C10orf143: variants seen among roughly 807,000 people sequenced by gnomAD.
C10orf143 encodes the protein uncharacterized protein C10orf143.
intron 3 of C10orf143, among the ~76,000 whole-genome samples, chr10:130,046,307 C>T (rs1041995652): frequency 5.3e-5 from 8 of 152,026 alleles, no homozygotes; most frequent in Non-Finnish European, 1.0e-4. Flanking sequence ...CTCGGGCTCC[C>T]TGCAGGTGGG....
intron 1 of C10orf143, chr10:130,107,694 CA>C (rs752685132): frequency 2.3e-5 from 29 of 1,275,668 alleles, no homozygotes; most frequent in Middle Eastern, 1.9e-4. Context: ...CCTTTGCCTC[CA>C]GGGGGGGAAG....
At chr10:130,053,553 G>A (rs977671370) in intron 3 of C10orf143, among the ~76,000 whole-genome samples, 1 of 152,208 alleles carries the variant, frequency 6.6e-6, no homozygotes, top group Non-Finnish European at 1.5e-5. Context: ...CCCCAGGCAT[G>A]TGAGACCCCC....
At chr10:130,085,936 T>C (rs765586429) in intron 1 of C10orf143, among the ~76,000 whole-genome samples, 1 of 152,214 alleles carries the variant, frequency 6.6e-6, no homozygotes, top group Admixed American at 6.5e-5. Context: ...AACATTCAGA[T>C]ATTTGATGAT....
rs572397991 is a variant in C10orf143, at chr10:130,053,359, C to T, written c.298-17389G>A. 1.7e-4 allele frequency among the ~76,000 whole-genome samples: 26 copies of T among 152,326 alleles called. 2 individuals carry two copies. In the East Asian group the frequency reaches 3.3e-3, roughly 19 times the overall value. On this transcript the variant is annotated intron_variant and NMD_transcript_variant, in intron 3 of 5. Transcript: ENST00000643056. Reference sequence around the variant, plus strand: ...GTGCTGGGATTACAGGCGTGAGCCACCACGCCCGGCCAAAGTTGCTAAGTT... The same window carrying T: ...GTGCTGGGATTACAGGCGTGAGCCATCACGCCCGGCCAAAGTTGCTAAGTT...
chr10:130,099,576 G>A (rs917189779), intron 1 of C10orf143, among the ~76,000 whole-genome samples: 13 of 150,910 alleles, frequency 8.6e-5, no homozygotes, highest in South Asian at 2.1e-4. Context: ...TCACTCTGTC[G>A]CCCAGGCTAG....
downstream of C10orf143, among the ~76,000 whole-genome samples, chr10:130,060,545 C>T (rs556314657): frequency 4.7e-4 from 72 of 152,206 alleles, no homozygotes; most frequent in Admixed American, 1.6e-3. Flanking sequence ...TATGTGCAGC[C>T]GGGCGCAGTG....
At chr10:130,043,017 C>G (rs1298015556) in intron 3 of C10orf143, among the ~76,000 whole-genome samples, 1 of 152,188 alleles carries the variant, frequency 6.6e-6, no homozygotes, top group Non-Finnish European at 1.5e-5. Context: ...CGGAAGCAAG[C>G]CTGCAAAACG....
At chr10:130,076,571 A>G (rs1416856678) in intron 3 of C10orf143, among the ~76,000 whole-genome samples, 2 of 152,216 alleles carry the variant, frequency 1.3e-5, no homozygotes, top group African/African-American at 4.8e-5. Context: ...CACGGTGCTG[A>G]GGAAATATCA....
chr10:130,107,352 T>C, intron 1 of C10orf143: 3 of 1,077,750 alleles, frequency 2.8e-6, no homozygotes, highest in Non-Finnish European at 4.3e-6. Flanking sequence ...GCCAAAGATC[T>C]TGAAGAAGAA....
At chr10:130,059,751 T>C (rs1441751145), downstream of C10orf143, among the ~76,000 whole-genome samples, 1 of 152,134 alleles carries the variant, frequency 6.6e-6, no homozygotes, top group Admixed American at 6.6e-5. Flanking sequence ...AGAAGATCCT[T>C]GCATAGAGAG....
intron 3 of C10orf143, chr10:130,068,033 C>G (rs1352182827): frequency 6.6e-6 from 1 of 152,498 alleles, no homozygotes; most frequent in Non-Finnish European, 1.5e-5. Context: ...ATGACACATG[C>G]TGCTGAGTGA....
intron 1 of C10orf143, among the ~76,000 whole-genome samples, chr10:130,109,819 C>A (rs1861728806): frequency 6.6e-6 from 1 of 152,006 alleles, no homozygotes; most frequent in South Asian, 2.1e-4. Flanking sequence ...GAAGACGGAT[C>A]CTGCACTTAC....
chr10:130,046,261 C>T (rs529532919), intron 3 of C10orf143, among the ~76,000 whole-genome samples: 65 of 151,966 alleles, frequency 4.3e-4, no homozygotes, highest in Middle Eastern at 3.4e-3. Context: ...AGGGACGGGA[C>T]GCGGGGGCAC....
intron 1 of C10orf143, among the ~76,000 whole-genome samples, chr10:130,105,308 T>C (rs927990348): frequency 6.6e-6 from 1 of 152,228 alleles, no homozygotes; most frequent in Non-Finnish European, 1.5e-5. Flanking sequence ...TGGAGCCAGA[T>C]GGCTTGGATT....
chr10:130,058,541 T>G (rs893839497), intron 3 of C10orf143, among the ~76,000 whole-genome samples: 4 of 151,038 alleles, frequency 2.6e-5, no homozygotes, highest in African/African-American at 9.7e-5. Context: ...AAATTTCCCT[T>G]TGCATCTGGG....
At chr10:130,071,704 C>A (rs570923722) in intron 3 of C10orf143, among the ~76,000 whole-genome samples, 2 of 152,184 alleles carry the variant, frequency 1.3e-5, no homozygotes, top group African/African-American at 4.8e-5. Flanking sequence ...CTCGGCTCAC[C>A]GCAACCTCTG....
Position 130,105,159 on chromosome 10 carries a change from C to A in C10orf143, c.69+5545G>T, listed in dbSNP as rs147156716. On this transcript the variant is annotated intron_variant, in intron 1 of 3. Coordinates refer to ENST00000637128, the MANE Select transcript of C10orf143 (RefSeq NM_001355042.2). Reference sequence around the variant, plus strand: ...GCCGGGCTGATCTGGAACTCCTGACCTCAAGTGATCAGCCTGCCTTGGCCT... The same window carrying A: ...GCCGGGCTGATCTGGAACTCCTGACATCAAGTGATCAGCCTGCCTTGGCCT... Among the ~76,000 whole-genome samples the A allele has an allele frequency of 2.0e-3, 301 of 152,208 alleles. 1 individual carries two copies. The highest frequency in any genetic ancestry group is 7.1e-3 in the African/African-American group (293 of 41,552).
intron 1 of C10orf143, among the ~76,000 whole-genome samples, chr10:130,093,714 TA>T (rs573364112): frequency 1.3e-5 from 2 of 151,622 alleles, no homozygotes; most frequent in Non-Finnish European, 2.9e-5. Context: ...ACAGACACAA[TA>T]AAAAATGATA....
chr10:130,093,488 A>G lies in C10orf143; in HGVS notation c.70-13587T>C, dbSNP rs1324479515. Among the ~76,000 whole-genome samples, 7 of 152,334 alleles carry G rather than the reference A, an allele frequency of 4.6e-5. No individual in the cohort carries two copies. In the East Asian group the frequency reaches 1.2e-3, roughly 25 times the overall value. ...AAAGATCAAAAATTGACATCCTACCATCACAATTAAAAGAACTAGAGAAGC... is the reference window on the plus strand; with the variant it reads ...AAAGATCAAAAATTGACATCCTACCGTCACAATTAAAAGAACTAGAGAAGC... On this transcript the variant is annotated intron_variant, in intron 1 of 3. Transcript: ENST00000637128.
Sources: allele counts gnomAD v4.1 joint callset (sites outside exome capture counted in the v4.1 genomes callset), GRCh38; gene constraint gnomAD v4.1.1; transcripts MANE v1.5; gene names NCBI Gene and HGNC (gene_info 2026-07-23, HGNC 2026-07-21).